Variants in DMD observed in about 807,000 individuals in gnomAD.
The protein encoded by DMD is mutant dystrophin.
DMD carries 63 observed loss-of-function variants against 330.1 expected under a neutral mutation model. The observed-to-expected ratio is 0.19, with a 90% CI of 0.16 to 0.24. DMD has a LOEUF of 0.24. Ranked by LOEUF, DMD falls within the 10% of genes least tolerant of loss-of-function variation. The pLI is 1.00. For synonymous variants in DMD, 1,223 were observed against 959.8 expected (o/e 1.27, Z -5.07); for missense variants, 3,344 against 2,684.1 (o/e 1.25, Z -5.43).
intron 44 of DMD, among the ~76,000 whole-genome samples, chrX:32,158,687 C>A (rs1233298243): frequency 4.5e-5 from 5 of 111,393 alleles, no homozygotes; most frequent in Non-Finnish European, 7.5e-5. Flanking sequence ...AGGTGATGTG[C>A]AGGACATAGA....
intron 9 of DMD, among the ~76,000 whole-genome samples, chrX:32,655,060 GATCT>G (rs1457714494): frequency 8.1e-5 from 9 of 110,851 alleles, no homozygotes; most frequent in Non-Finnish European, 1.7e-4. Context: ...TCTTGCTAGC[GATCT>G]ATCAATTTTG....
chrX:31,979,347 T>C (rs1468225152), intron 44 of DMD, among the ~76,000 whole-genome samples: 2 of 112,351 alleles, frequency 1.8e-5, no homozygotes, highest in Non-Finnish European at 1.9e-5. Context: ...TGAGCCACCA[T>C]GCCCAGCCTA....
rs10482303 is a variant in DMD, at chrX:32,589,610, C to G, written c.1602+6147G>C. Among the ~76,000 whole-genome samples the G allele has an allele frequency of 2.8e-3, 309 of 110,831 alleles. 1 individual carries two copies. The highest frequency in any genetic ancestry group is 5.9e-3 in the Admixed American group (61 of 10,323). Reference sequence around the variant, plus strand: ...CATTTATATATATTTACATTTATATCTATAGATGGGAAGTCAGACCCTTTG... The same window carrying G: ...CATTTATATATATTTACATTTATATGTATAGATGGGAAGTCAGACCCTTTG... On this transcript the variant is annotated intron_variant, in intron 13 of 78. Transcript: ENST00000357033.
At chrX:31,577,910 T>A (rs980885227) in intron 55 of DMD, among the ~76,000 whole-genome samples, 2 of 111,476 alleles carry the variant, frequency 1.8e-5, no homozygotes, top group African/African-American at 3.3e-5. Context: ...TATTTGTAAA[T>A]TAGTAAAAAT....
intron 44 of DMD, among the ~76,000 whole-genome samples, chrX:31,969,899 A>T (rs1160179502): frequency 9.0e-6 from 1 of 111,387 alleles, no homozygotes; most frequent in East Asian, 2.8e-4. Context: ...TAAACATGTG[A>T]TATTTCCTTG....
At chrX:31,544,057 G>A (rs958505882) in intron 55 of DMD, among the ~76,000 whole-genome samples, 2 of 111,403 alleles carry the variant, frequency 1.8e-5, no homozygotes, top group Admixed American at 9.5e-5. Flanking sequence ...CAAGCTATGC[G>A]GCTGGGTGCG....
intron 2 of DMD, among the ~76,000 whole-genome samples, chrX:32,946,131 C>A (rs891316476): frequency 9.0e-6 from 1 of 111,539 alleles, no homozygotes; most frequent in Non-Finnish European, 1.9e-5. Flanking sequence ...ATTTCTTGTA[C>A]TGCTTTTTAA....
intron 2 of DMD, among the ~76,000 whole-genome samples, chrX:32,995,054 G>C (rs993217746): frequency 9.0e-6 from 1 of 111,689 alleles, no homozygotes; most frequent in Admixed American, 9.5e-5. Flanking sequence ...GCAATGAGCC[G>C]CAATGACTCC....
intron 28 of DMD, among the ~76,000 whole-genome samples, chrX:32,439,017 A>G (rs2098271695): frequency 9.0e-6 from 1 of 111,530 alleles, no homozygotes; most frequent in Non-Finnish European, 1.9e-5. Context: ...CGTACATCCC[A>G]ATAATACCCA....
intron 21 of DMD, among the ~76,000 whole-genome samples, chrX:32,484,261 G>C (rs1033769903): frequency 8.9e-6 from 1 of 111,887 alleles, no homozygotes; most frequent in African/African-American, 3.2e-5. Context: ...AAGTTGATGA[G>C]TAGAGATATT....
rs1013610635 is a variant in DMD at position 31,591,561 on chromosome X, G to A, written c.8217+36112C>T. ...CAAGATGAGCATTTTTGTGATTGAT[G>A]TATGATGCAATAAATTGCATTGCCA... is the stretch of plus-strand genomic sequence containing the variant. On this transcript the variant is annotated intron_variant, in intron 55 of 78. Coordinates refer to ENST00000357033, the MANE Select transcript of DMD (RefSeq NM_004006.3). Among the ~76,000 whole-genome samples, 6 of 111,322 alleles carry A rather than the reference G, an allele frequency of 5.4e-5. No homozygotes were observed. In the East Asian group the frequency reaches 1.7e-3, roughly 31 times the overall value.
intron 45 of DMD, among the ~76,000 whole-genome samples, chrX:31,964,657 G>C (rs895573566): frequency 9.2e-6 from 1 of 108,874 alleles, no homozygotes; most frequent in South Asian, 4.0e-4. Flanking sequence ...TACAGAAAGA[G>C]GGTAGAGAAA....
chrX:31,480,693 G>A (rs1409106573), intron 57 of DMD, among the ~76,000 whole-genome samples: 1 of 109,183 alleles, frequency 9.2e-6, no homozygotes, highest in Non-Finnish European at 1.9e-5. Context: ...TGGACCTGAA[G>A]GGAGGCAATT....
chrX:31,951,159 G>GTATGTATATATATA (rs1557025629), intron 45 of DMD, among the ~76,000 whole-genome samples: 157 of 71,697 alleles, frequency 2.2e-3, no homozygotes, highest in Middle Eastern at 0.021. Flanking sequence ...ATATATATAT[G>GTATGTATATATATA]TATATATATA....
chrX:33,070,273 CACAT>C (rs2094725365), intron 1 of DMD, among the ~76,000 whole-genome samples: 1 of 111,439 alleles, frequency 9.0e-6, no homozygotes, highest in Non-Finnish European at 1.9e-5. Flanking sequence ...TGTACACGCA[CACAT>C]ACATACACAC....
chrX:32,511,809 A>G (rs2045371657), intron 18 of DMD, among the ~76,000 whole-genome samples: 1 of 111,559 alleles, frequency 9.0e-6, no homozygotes, highest in Admixed American at 9.6e-5. Flanking sequence ...ATATTTCATA[A>G]CATACAGTTT....
At chrX:31,202,935 T>C (rs1447581688) in intron 67 of DMD, among the ~76,000 whole-genome samples, 1 of 112,282 alleles carries the variant, frequency 8.9e-6, no homozygotes, top group Non-Finnish European at 1.9e-5. Flanking sequence ...TAAAGAAAGC[T>C]TCAAAGACAA....
rs202151059 is a variant in DMD, at chrX:33,081,578, G to A, written c.32-61378C>T. Among the ~76,000 whole-genome samples the A allele has an allele frequency of 1.2e-4, 13 of 112,274 alleles. No homozygotes were observed. The East Asian group carries it at 3.1e-3, about 27-fold the overall frequency. On this transcript the variant is annotated intron_variant, in intron 1 of 78. Coordinates refer to ENST00000357033, the MANE Select transcript of DMD (RefSeq NM_004006.3). The stretch of plus-strand genomic sequence containing the variant: ...TGCTTGGATTACAAGCACGAGCCAC[G>A]GCACCCGGCCATACCCTGCATTTCA...
intron 37 of DMD, among the ~76,000 whole-genome samples, chrX:32,360,206 T>C (rs2097826348): frequency 8.9e-6 from 1 of 112,356 alleles, no homozygotes; most frequent in South Asian, 3.6e-4. Context: ...CATTTCTGTT[T>C]GAAAACATGT....
Sources: allele counts gnomAD v4.1 joint callset (sites outside exome capture counted in the v4.1 genomes callset), GRCh38; gene constraint gnomAD v4.1.1; transcripts MANE v1.5; gene names NCBI Gene and HGNC (gene_info 2026-07-23, HGNC 2026-07-21).